The following IL1RAPL1 variants were observed in gnomAD, a reference collection of about 807,000 sequenced individuals.
IL1RAPL1 encodes the protein interleukin 1 receptor accessory protein like 1.
IL1RAPL1 carries 3 observed loss-of-function variants against 48.4 expected under a neutral mutation model. The observed-to-expected ratio is 0.06, with a 90% confidence interval of 0.03 to 0.16. The LOEUF is 0.16. IL1RAPL1 is among the 10% of genes least tolerant of loss of function. IL1RAPL1 has a pLI of 1.00. For missense variants in IL1RAPL1, 349 were observed against 530.6 expected (o/e 0.66, Z 3.36); for synonymous variants, 185 against 187.7 (o/e 0.99, Z 0.12).
intron 2 of IL1RAPL1, among the ~76,000 whole-genome samples, chrX:29,152,036 A>G (rs1372118143): frequency 8.9e-6 from 1 of 111,966 alleles, no homozygotes. Context: ...AAGAGGTTTG[A>G]TGGACTCACA....
chrX:29,233,202 G>A, intron 2 of IL1RAPL1, among the ~76,000 whole-genome samples: 1 of 111,221 alleles, frequency 9.0e-6, no homozygotes, highest in Admixed American at 9.6e-5. Flanking sequence ...CTGTACTCAA[G>A]CTCCTAGAAA....
At chrX:29,295,605 G>C (rs892964896) in intron 3 of IL1RAPL1, among the ~76,000 whole-genome samples, 5 of 111,765 alleles carry the variant, frequency 4.5e-5, no homozygotes, top group African/African-American at 1.6e-4. Flanking sequence ...AATAACGGTG[G>C]CTTAAACAGG....
chrX:29,159,215 TAG>T (rs1929633985), intron 2 of IL1RAPL1, among the ~76,000 whole-genome samples: 1 of 110,703 alleles, frequency 9.0e-6, no homozygotes, highest in Non-Finnish European at 1.9e-5. Flanking sequence ...AAGGTAGAAA[TAG>T]AGTCCTTCCT....
At chrX:29,945,922 C>T (rs1404437328) in intron 9 of IL1RAPL1, among the ~76,000 whole-genome samples, 1 of 111,002 alleles carries the variant, frequency 9.0e-6, no homozygotes, top group African/African-American at 3.3e-5. Flanking sequence ...TATTATCTCC[C>T]CTGCATTCAG....
At chrX:29,483,068 C>T (rs1179589823) in intron 5 of IL1RAPL1, among the ~76,000 whole-genome samples, 1 of 111,819 alleles carries the variant, frequency 8.9e-6, no homozygotes, top group African/African-American at 3.3e-5. Flanking sequence ...TTGTTTCCTT[C>T]TGATATATCT....
intron 2 of IL1RAPL1, among the ~76,000 whole-genome samples, chrX:28,896,416 G>T (rs1043746392): frequency 8.9e-6 from 1 of 111,805 alleles, no homozygotes; most frequent in Non-Finnish European, 1.9e-5. Flanking sequence ...AACTAGGCTG[G>T]GTTTTTCATA....
At chrX:29,315,143 A>G (rs1304262085) in intron 3 of IL1RAPL1, among the ~76,000 whole-genome samples, 1 of 112,059 alleles carries the variant, frequency 8.9e-6, no homozygotes, top group Non-Finnish European at 1.9e-5. Context: ...GCTAGGAACT[A>G]TTAATTTCCA....
At chrX:29,726,716 T>C (rs1186794736) in intron 6 of IL1RAPL1, among the ~76,000 whole-genome samples, 1 of 112,214 alleles carries the variant, frequency 8.9e-6, no homozygotes, top group Non-Finnish European at 1.9e-5. Flanking sequence ...CTCATGCCTG[T>C]ACTCCCAGCA....
chrX:29,666,760 C>A (rs777663895), intron 5 of IL1RAPL1, among the ~76,000 whole-genome samples: 1 of 110,859 alleles, frequency 9.0e-6, no homozygotes, highest in East Asian at 2.8e-4. Flanking sequence ...ACAGTTCTCT[C>A]AGGTGCTTTC....
At chrX:29,768,684 A>G (rs1408426874) in intron 6 of IL1RAPL1, among the ~76,000 whole-genome samples, 2 of 111,866 alleles carry the variant, frequency 1.8e-5, no homozygotes, top group Non-Finnish European at 3.8e-5. Context: ...GACATAAGAG[A>G]AAATGTATAT....
chrX:29,923,493 C>G (rs750776672), intron 8 of IL1RAPL1, among the ~76,000 whole-genome samples: 1 of 112,623 alleles, frequency 8.9e-6, no homozygotes, highest in Non-Finnish European at 1.9e-5. Flanking sequence ...CTCTTCACTC[C>G]TGCCAGAAGC....
chrX:28,630,512 C>G (rs1210593345), intron 1 of IL1RAPL1, among the ~76,000 whole-genome samples: 1 of 111,880 alleles, frequency 8.9e-6, no homozygotes, highest in Non-Finnish European at 1.9e-5. Flanking sequence ...CACTTTTACT[C>G]AACCCGTCTG....
intron 5 of IL1RAPL1, among the ~76,000 whole-genome samples, chrX:29,419,879 T>TATAG (rs1466331067): frequency 9.0e-6 from 1 of 111,618 alleles, no homozygotes; most frequent in East Asian, 2.8e-4. Flanking sequence ...TGTTGGTTAG[T>TATAG]ATAGAGCTGT....
At chrX:28,910,719 G>A (rs1371430122) in intron 2 of IL1RAPL1, among the ~76,000 whole-genome samples, 2 of 108,965 alleles carry the variant, frequency 1.8e-5, no homozygotes, top group Non-Finnish European at 3.8e-5. Flanking sequence ...GTGTGCTTAT[G>A]TGTAACCCTA....
At chrX:29,494,654 A>G (rs1935194956) in intron 5 of IL1RAPL1, among the ~76,000 whole-genome samples, 1 of 112,219 alleles carries the variant, frequency 8.9e-6, no homozygotes, top group South Asian at 3.7e-4. Flanking sequence ...TAGACTAACT[A>G]ATGCCTTCAG....
At chrX:28,674,544 C>T (rs1934979225) in intron 1 of IL1RAPL1, among the ~76,000 whole-genome samples, 1 of 111,331 alleles carries the variant, frequency 9.0e-6, no homozygotes, top group East Asian at 2.8e-4. Context: ...GGTACAATGG[C>T]CATTTACCCT....
intron 5 of IL1RAPL1, among the ~76,000 whole-genome samples, chrX:29,660,693 G>A (rs926780837): frequency 2.2e-4 from 24 of 111,586 alleles, no homozygotes; most frequent in African/African-American, 7.8e-4. Flanking sequence ...TGGTGTATGT[G>A]TTTGTTTTTG....
chrX:29,406,440 A>AGT (rs1934072402), intron 5 of IL1RAPL1, among the ~76,000 whole-genome samples: 1 of 110,621 alleles, frequency 9.0e-6, no homozygotes, highest in Non-Finnish European at 1.9e-5. Context: ...TTAACATTGC[A>AGT]ATCTCTCTTC....
At chrX:29,624,465 A>G (rs1163275208) in intron 5 of IL1RAPL1, among the ~76,000 whole-genome samples, 2 of 112,398 alleles carry the variant, frequency 1.8e-5, no homozygotes, top group East Asian at 5.6e-4. Context: ...ATTGCAATTT[A>G]GTTTTCTTAG....
Sources: gnomAD v4.1 joint callset for allele counts (sites outside exome capture counted in the v4.1 genomes callset) on GRCh38, gnomAD v4.1.1 for gene constraint, MANE v1.5 for transcripts, NCBI Gene and HGNC (gene_info 2026-07-23, HGNC 2026-07-21) for gene names.